SASH1: variants seen among roughly 807,000 people sequenced by gnomAD.
SASH1 encodes SAM and SH3 domain-containing protein 1.
Under a neutral mutation model 125.2 loss-of-function variants are expected in SASH1, and 44 were observed. The observed-to-expected ratio is 0.35, with a 90% CI of 0.28 to 0.45. SASH1 has a LOEUF of 0.45. SASH1 is among the 20% of genes least tolerant of loss of function. The pLI is 1.00. For synonymous variants in SASH1, 639 were observed against 649.1 expected (o/e 0.98, Z 0.24); for missense variants, 1,426 against 1,614.5 (o/e 0.88, Z 2.00).
chr6:148,253,028 C>T, the SASH1 span, among the ~76,000 whole-genome samples: 1 of 152,302 alleles, frequency 6.6e-6, no homozygotes, highest in African/African-American at 2.4e-5. Flanking sequence ...GCAAGCCACC[C>T]TCAGATGCTC....
intron 16 of SASH1, among the ~76,000 whole-genome samples, chr6:148,536,904 A>C (rs1338154365): frequency 6.6e-6 from 1 of 152,174 alleles, no homozygotes; most frequent in Non-Finnish European, 1.5e-5. Flanking sequence ...TCCATTGTGG[A>C]TCTATTCTGC....
intron 19 of SASH1, among the ~76,000 whole-genome samples, chr6:148,546,904 T>C (rs192003674): frequency 2.3e-4 from 35 of 152,132 alleles, no homozygotes; most frequent in African/African-American, 8.2e-4. Context: ...AAAATTGATA[T>C]CATCAATACA....
chr6:148,443,167 T>A lies in SASH1; in HGVS notation c.386+2760T>A, dbSNP rs11155568. ...AGAAAAAAAAAAAAAAAAAAAAAAATGGCTCACGGCATGTTGGTGTCACGT... is the reference window on the plus strand; with the variant it reads ...AGAAAAAAAAAAAAAAAAAAAAAAAAGGCTCACGGCATGTTGGTGTCACGT... On this transcript the variant is annotated intron_variant, in intron 4 of 19. Coordinates refer to ENST00000367467, the MANE Select transcript of SASH1 (RefSeq NM_015278.5). 6.0e-3 allele frequency among the ~76,000 whole-genome samples: 640 copies of A among 106,480 alleles called. 13 individuals carry two copies. Among genetic ancestry groups the A allele is most frequent in the South Asian group, 0.018 (41 of 2,302 alleles). The allele number at this position is 106,480 out of a possible 152,430, so 69.9% of individuals were successfully genotyped here.
At position 148,509,151 on chromosome 6, in the gene SASH1, T is replaced by C. The variant is rs983358369; in HGVS notation, c.730-5173T>C. 11 of 340,612 alleles carry C rather than the reference T, an allele frequency of 3.2e-5. No individual in the cohort carries two copies. In the East Asian group the frequency reaches 8.5e-4, roughly 26 times the overall value. 21.1% of individuals were successfully genotyped at this position (340,612 alleles called of 1,614,324 possible). ...GCATATATGGCTCAGCTGTGAATTGTGGAGGCTTTTCCTGGGGAGGACTTG... is the reference window on the plus strand; with the variant it reads ...GCATATATGGCTCAGCTGTGAATTGCGGAGGCTTTTCCTGGGGAGGACTTG... On this transcript the variant is annotated intron_variant, in intron 8 of 19. Transcript: ENST00000367467.
the SASH1 span, among the ~76,000 whole-genome samples, chr6:148,259,971 G>C: frequency 1.4e-4 from 22 of 151,986 alleles, no homozygotes; most frequent in Non-Finnish European, 2.9e-4. Flanking sequence ...CTGCAGCTTC[G>C]AACTCGTAGA....
At chr6:148,291,621 C>G (rs1478939838) in intron 1 of SASH1, among the ~76,000 whole-genome samples, 2 of 152,040 alleles carry the variant, frequency 1.3e-5, no homozygotes, top group Non-Finnish European at 2.9e-5. Context: ...GAGGTCAATG[C>G]TGCATTGAGT....
intron 7 of SASH1, chr6:148,480,205 G>A (rs767792384): frequency 3.3e-5 from 5 of 152,072 alleles, no homozygotes; most frequent in African/African-American, 4.8e-5. Flanking sequence ...TGGCACGCAC[G>A]TGTAATCCCA....
chr6:148,285,443 G>T (rs1562306131), intron 1 of SASH1, among the ~76,000 whole-genome samples: 1 of 152,220 alleles, frequency 6.6e-6, no homozygotes, highest in Non-Finnish European at 1.5e-5. Context: ...AGTAGCCTCT[G>T]GCTATTGGGG....
At chr6:148,239,061 A>G in the SASH1 span, among the ~76,000 whole-genome samples, 1 of 152,184 alleles carries the variant, frequency 6.6e-6, no homozygotes, top group Non-Finnish European at 1.5e-5. Context: ...TAGCTCAACT[A>G]GGGACATTAG....
chr6:148,487,155 A>T (rs1262109536), intron 7 of SASH1, among the ~76,000 whole-genome samples: 1 of 146,874 alleles, frequency 6.8e-6, no homozygotes, highest in Non-Finnish European at 1.5e-5. Context: ...GTTTGACCCC[A>T]TTTCACTAAA....
chr6:148,339,970 TG>T (rs1781273726), upstream of SASH1, among the ~76,000 whole-genome samples: 4 of 152,158 alleles, frequency 2.6e-5, no homozygotes, highest in Non-Finnish European at 1.5e-5. Context: ...TCATCTTGGA[TG>T]GGGAAACTAG....
chr6:148,359,471 C>T lies in SASH1; in HGVS notation c.156+16248C>T, dbSNP rs565810453. Among the ~76,000 whole-genome samples the T allele has an allele frequency of 2.4e-3, 368 of 152,110 alleles. 1 individual carries two copies. Among genetic ancestry groups the T allele is most frequent in the African/African-American group, 8.1e-3 (338 of 41,498 alleles). On this transcript the variant is annotated intron_variant, in intron 1 of 19. Transcript: ENST00000367467. Reference sequence around the variant, plus strand: ...GAATTGCTGCAATCTCATGATTAAACCTGAACAGATGTGGAGTTGCTTCTT... The same window carrying T: ...GAATTGCTGCAATCTCATGATTAAATCTGAACAGATGTGGAGTTGCTTCTT...
intron 1 of SASH1, among the ~76,000 whole-genome samples, chr6:148,344,179 C>T (rs2114637417): frequency 6.6e-6 from 1 of 152,312 alleles, no homozygotes; most frequent in Admixed American, 6.5e-5. Flanking sequence ...TATACTAGGT[C>T]AAATGCCAGC....
At chr6:148,332,339 A>T (rs901995375) in intron 1 of SASH1, among the ~76,000 whole-genome samples, 1 of 152,236 alleles carries the variant, frequency 6.6e-6, no homozygotes, top group African/African-American at 2.4e-5. Context: ...GCAAAAATTA[A>T]ATGAGCTTAT....
At chr6:148,195,479 C>T in the SASH1 span, among the ~76,000 whole-genome samples, 4,386 of 152,278 alleles carry the variant, frequency 0.029, 181 homozygotes, top group African/African-American at 0.1. Context: ...AGAGAACTAT[C>T]GGACTTATAA....
intron 9 of SASH1, among the ~76,000 whole-genome samples, chr6:148,517,190 G>T (rs547922743): frequency 6.6e-6 from 1 of 152,282 alleles, no homozygotes; most frequent in African/African-American, 2.4e-5. Context: ...GGGGTATTAT[G>T]GAAAGATAGG....
At position 148,289,394 on chromosome 6, in the gene SASH1, C is replaced by T. The variant is rs558666889; in HGVS notation, n.74+17017C>T. 1.2e-4 allele frequency among the ~76,000 whole-genome samples: 19 copies of T among 152,328 alleles called. No individual in the cohort carries two copies. The East Asian group carries it at 1.5e-3, about 12-fold the overall frequency. ...AGCCTATCTAACTTCACATGCCTCA[C>T]GATCTCCAGCCTACAGCCTCTAACC... On this transcript the variant is annotated intron_variant and non_coding_transcript_variant, in intron 1 of 3. Coordinates refer to the SASH1 transcript ENST00000367469.
At chr6:148,263,122 T>C in the SASH1 span, among the ~76,000 whole-genome samples, 6 of 152,116 alleles carry the variant, frequency 3.9e-5, no homozygotes, top group Admixed American at 2.6e-4. Context: ...CTTGGCAGGA[T>C]CACCCTTAAC....
chr6:148,233,170 C>T, the SASH1 span, among the ~76,000 whole-genome samples: 14 of 150,208 alleles, frequency 9.3e-5, no homozygotes, highest in African/African-American at 2.4e-4. Context: ...GCCGAGATCG[C>T]GCCATTGCAC....
Sources: gnomAD v4.1 joint callset for allele counts (sites outside exome capture counted in the v4.1 genomes callset) on GRCh38, gnomAD v4.1.1 for gene constraint, MANE v1.5 for transcripts, NCBI Gene and HGNC (gene_info 2026-07-23, HGNC 2026-07-21) for gene names.